Variants in WNT8B observed in about 807,000 individuals in gnomAD.
The protein encoded by WNT8B is Wnt family member 8B, also known as protein Wnt-8b.
WNT8B carries 24 observed loss-of-function variants against 36.6 expected under a neutral mutation model. That is an observed-to-expected ratio of 0.66 (90% CI 0.48 to 0.92). The LOEUF is 0.92. WNT8B is among the 40% of genes least tolerant of loss of function. WNT8B has a pLI of 0.00. For missense variants in WNT8B, 402 were observed against 470.8 expected (o/e 0.85, Z 1.35); for synonymous variants, 199 against 189.8 (o/e 1.05, Z -0.40).
At chr10:100,479,208 A>G in intron 2 of WNT8B, 123 bp downstream of exon 2, 1 of 917,236 alleles carries the variant, frequency 1.1e-6, no homozygotes, top group East Asian at 3.0e-5. Flanking sequence ...TTACAGATAG[A>G]AAGATTGAGA....
intron 1 of WNT8B, among the ~76,000 whole-genome samples, chr10:100,474,753 C>T (rs557379297): frequency 1.6e-4 from 24 of 151,846 alleles, no homozygotes; most frequent in Admixed American, 1.4e-3. Context: ...TTAGTAGAGA[C>T]GGGGTTTCAC....
At chr10:100,479,804 G>A (rs1851086363) in intron 2 of WNT8B, 70 bp from the exon 3 acceptor site, 1 of 1,567,834 alleles carries the variant, frequency 6.4e-7, no homozygotes, top group Non-Finnish European at 8.7e-7. Context: ...GCAGGAAGAG[G>A]GCTGTTTGGT....
At position 100,463,087 on chromosome 10, in the gene WNT8B, G is replaced by A; in HGVS notation, c.-82G>A. 7.7e-7 allele frequency: 1 copy of A among 1,302,310 alleles called. No individual in the cohort carries two copies. The highest frequency in any genetic ancestry group is 1.5e-5 in the African/African-American group (1 of 68,420). 80.7% of individuals were successfully genotyped at this position (1,302,310 alleles called of 1,614,324 possible). ...GGGCTTTGAGAATTCCATCCCACTGGCACTGAGGAGAATATTTCTCCGTCT... is the reference window on the plus strand; with the variant it reads ...GGGCTTTGAGAATTCCATCCCACTGACACTGAGGAGAATATTTCTCCGTCT... On this transcript the variant is annotated 5_prime_UTR_variant, in exon 1 of 6. Coordinates refer to ENST00000343737, the MANE Select transcript of WNT8B (RefSeq NM_003393.4).
intron 2 of WNT8B, among the ~76,000 whole-genome samples, chr10:100,479,570 G>A (rs1441435690): frequency 6.6e-6 from 1 of 152,178 alleles, no homozygotes; most frequent in Non-Finnish European, 1.5e-5. Flanking sequence ...AGTGAAGAAA[G>A]GTGAATAAAG....
At chr10:100,467,443 G>T (rs1850919187) in intron 1 of WNT8B, among the ~76,000 whole-genome samples, 1 of 152,132 alleles carries the variant, frequency 6.6e-6, no homozygotes, top group Admixed American at 6.6e-5. Flanking sequence ...TTTCTATGCA[G>T]CTCCATAGAT....
At chr10:100,480,696 A>G (rs1212572591) in intron 3 of WNT8B, among the ~76,000 whole-genome samples, 1 of 152,148 alleles carries the variant, frequency 6.6e-6, no homozygotes, top group Non-Finnish European at 1.5e-5. Context: ...AGACCATGCA[A>G]GAGGGTAAGA....
chr10:100,477,785 T>TTTTTTTTTTGG (rs1554840046), intron 1 of WNT8B, among the ~76,000 whole-genome samples: 7 of 146,324 alleles, frequency 4.8e-5, no homozygotes, highest in African/African-American at 1.8e-4. Flanking sequence ...TTTTTTTTTG[T>TTTTTTTTTTGG]TTTTTTTTTG....
chr10:100,464,921 A>G (rs1271701596), intron 1 of WNT8B, among the ~76,000 whole-genome samples: 1 of 152,220 alleles, frequency 6.6e-6, no homozygotes, highest in Admixed American at 6.5e-5. Flanking sequence ...TTATGCTTCT[A>G]ATGAAACTAT....
At chr10:100,472,819 G>T (rs940890993) in intron 1 of WNT8B, among the ~76,000 whole-genome samples, 5 of 152,140 alleles carry the variant, frequency 3.3e-5, no homozygotes, top group Non-Finnish European at 7.4e-5. Context: ...CTTTGCTAAA[G>T]GTTTGATTAT....
At chr10:100,478,299 G>A (rs771023917) in intron 1 of WNT8B, among the ~76,000 whole-genome samples, 2 of 152,120 alleles carry the variant, frequency 1.3e-5, no homozygotes, top group Non-Finnish European at 2.9e-5. Context: ...CTGAACACAC[G>A]TTTAACTTTT....
chr10:100,473,607 C>T (rs1851002501), intron 1 of WNT8B, among the ~76,000 whole-genome samples: 1 of 152,112 alleles, frequency 6.6e-6, no homozygotes, highest in Admixed American at 6.6e-5. Context: ...GTATCCAGTA[C>T]TTCATTCCTT....
In WNT8B at chr10:100,463,047, C is replaced by A; in HGVS notation, c.-122C>A. On this transcript the variant is annotated 5_prime_UTR_variant, in exon 1 of 6. Transcript: ENST00000343737. Reference sequence around the variant, plus strand: ...CCTTAACTCTGTTTGGGATCGCTTACACACCAAGGAAGTTGGGCTTTGAGA... The same window carrying A: ...CCTTAACTCTGTTTGGGATCGCTTAAACACCAAGGAAGTTGGGCTTTGAGA... 1.2e-6 allele frequency: 1 copy of A among 856,982 alleles called. No homozygotes were observed. The highest frequency in any genetic ancestry group is 1.9e-6 in the Non-Finnish European group (1 of 535,310). The allele number at this position is 856,982 out of a possible 1,614,324, so 53.1% of individuals were successfully genotyped here.
rs1851128656 is a variant in WNT8B at position 100,482,446 on chromosome 10, C to A, written c.686C>A (p.Ala229Asp). 6.2e-7 allele frequency: 1 copy of A among 1,605,298 alleles called. No individual in the cohort carries two copies. Among genetic ancestry groups the A allele is most frequent in the East Asian group, 2.2e-5 (1 of 44,862 alleles). ...CTGCAGGGTGCTGGCAACAGCGCGG[C>A]CGGCCGCGGCGCCATCGCCGACACC... ...DLLQGAGNSA[A>D]GRGAIADTFR... Residue 229 changes from alanine to aspartate, a missense_variant, in exon 6 of 6, where the codon GCC becomes GAC. Ala to Asp is a moderately radical substitution (Grantham distance 126, BLOSUM62 -2). This residue lies in a region of WNT8B where 256 missense variants were observed against 278.6 expected (regional missense o/e 0.92). Coordinates refer to ENST00000343737, the MANE Select transcript of WNT8B (RefSeq NM_003393.4). This position sits in a 1 kb window ranked among gnomAD's most constrained non-coding sequence, Gnocchi z 6.6.
chr10:100,478,285 G>A (rs1851065358), intron 1 of WNT8B, among the ~76,000 whole-genome samples: 1 of 152,168 alleles, frequency 6.6e-6, no homozygotes, highest in South Asian at 2.1e-4. Context: ...TTAGCTGGGT[G>A]AGCCTGAACA....
Position 100,463,215 on chromosome 10 carries a change from T to G in WNT8B, c.47T>G (p.Val16Gly). The G allele has an allele frequency of 6.2e-7, 1 of 1,613,968 alleles. No homozygotes were observed. The highest frequency in any genetic ancestry group is 8.5e-7 in the Non-Finnish European group (1 of 1,179,932). Residue 16 changes from valine (V) to glycine (G), a missense_variant, in exon 1 of 6, where the codon GTC becomes GGC. Transcript: ENST00000343737. The part of the protein sequence containing the change: ...PSVYICLFTC[V>G]LQLSHSWSVN... ...GTGTACATCTGTCTTTTCACCTGTG[T>G]CCTCCAACTCAGCCACAGCTGGTAA...
chr10:100,482,851 C>T lies in WNT8B; in HGVS notation c.*35C>T. On this transcript the variant is annotated 3_prime_UTR_variant, in exon 6 of 6. Coordinates refer to ENST00000343737, the MANE Select transcript of WNT8B (RefSeq NM_003393.4). The surrounding 1 kb of genome is among the most constrained non-coding windows in gnomAD (Gnocchi z 6.6). The stretch of plus-strand genomic sequence containing the variant: ...CTGCCCCCTCCTTTTCCCACTGGTT[C>T]TTGGCTTCCTTTAGAGACCCCGGTA... The T allele has an allele frequency of 1.4e-6, 2 of 1,454,142 alleles. No homozygotes were observed. The highest frequency in any genetic ancestry group is 1.8e-6 in the Non-Finnish European group (2 of 1,101,192). The allele number at this position is 1,454,142 out of a possible 1,614,324, so 90.1% of individuals were successfully genotyped here. A position where few individuals can be genotyped will look rare whatever the true frequency, so the allele number is the denominator to read the frequency against.
chr10:100,475,029 T>C (rs183607149), intron 1 of WNT8B, among the ~76,000 whole-genome samples: 10 of 152,034 alleles, frequency 6.6e-5, no homozygotes, highest in Admixed American at 1.3e-4. Flanking sequence ...TCACCTGAGA[T>C]TGGGAGTTCG....
intron 3 of WNT8B, 106 bp downstream of exon 3, chr10:100,480,118 TC>T: frequency 7.5e-7 from 1 of 1,331,796 alleles, no homozygotes; most frequent in Admixed American, 2.7e-5. Context: ...CCTGCTCTCT[TC>T]TCTTAGGTCA....
intron 3 of WNT8B, 65 bp downstream of exon 3, chr10:100,480,077 C>A: frequency 1.3e-6 from 2 of 1,562,086 alleles, no homozygotes; most frequent in South Asian, 1.2e-5. Context: ...CCAGGGATAG[C>A]CCCTTGCCTC....
Sources: allele counts gnomAD v4.1 joint callset (sites outside exome capture counted in the v4.1 genomes callset), GRCh38; gene constraint gnomAD v4.1.1; regional missense constraint gnomAD v4.1.1; non-coding constraint Gnocchi (gnomAD v3.1); transcripts MANE v1.5; gene names NCBI Gene and HGNC (gene_info 2026-07-23, HGNC 2026-07-21).